CDH2: variants seen among roughly 807,000 people sequenced by gnomAD.
CDH2 encodes cadherin 2.
In CDH2, 17 loss-of-function variants were observed where a neutral mutation model predicts 92.0. The observed-to-expected ratio is 0.18, with a 90% CI of 0.13 to 0.28. The LOEUF (loss-of-function observed/expected upper bound fraction) is 0.28. CDH2 is among the 10% of genes least tolerant of loss of function. The probability of loss-of-function intolerance (pLI) is 1.00; values close to 1 mark genes in which losing one functional copy is unlikely to be tolerated. For synonymous variants in CDH2, 419 were observed against 415.9 expected, an observed-to-expected ratio of 1.01 and a Z score of -0.09; for missense variants, 862 against 1,133.1, an observed-to-expected ratio of 0.76 and a Z score of 3.44.
chr18:27,960,101 T>G (rs1162636403), intron 15 of CDH2, among the ~76,000 whole-genome samples: 1 of 151,906 alleles, frequency 6.6e-6, no homozygotes, highest in African/African-American at 2.4e-5. Flanking sequence ...CCAAATTGGA[T>G]CCTTTCATCC....
At chr18:28,136,276 G>C (rs2015860199) in intron 2 of CDH2, among the ~76,000 whole-genome samples, 1 of 152,116 alleles carries the variant, frequency 6.6e-6, no homozygotes, top group Non-Finnish European at 1.5e-5. Context: ...TGCCAAAAAT[G>C]TCTGTGGTCA....
chr18:28,142,683 T>C (rs535268758), intron 2 of CDH2, among the ~76,000 whole-genome samples: 16 of 152,148 alleles, frequency 1.1e-4, no homozygotes, highest in South Asian at 6.2e-4. Flanking sequence ...ATCTCTGTCT[T>C]GGAACCACTT....
intron 14 of CDH2, among the ~76,000 whole-genome samples, chr18:27,981,591 T>C (rs1251273777): frequency 6.6e-6 from 1 of 152,138 alleles, no homozygotes; most frequent in Non-Finnish European, 1.5e-5. Context: ...AAGTAAATCA[T>C]GCAACTTTTT....
intron 2 of CDH2, among the ~76,000 whole-genome samples, chr18:28,103,515 A>C (rs1033391043): frequency 2.0e-5 from 3 of 151,418 alleles, no homozygotes; most frequent in Non-Finnish European, 4.4e-5. Flanking sequence ...ACACACACAC[A>C]CATATACTTT....
At chr18:28,037,977 C>T (rs980134162) in intron 2 of CDH2, among the ~76,000 whole-genome samples, 1 of 151,940 alleles carries the variant, frequency 6.6e-6, no homozygotes, top group Non-Finnish European at 1.5e-5. Context: ...GCATAGAAAA[C>T]GGTAATTGAA....
chr18:27,946,199 A>T (rs956307401), downstream of CDH2, among the ~76,000 whole-genome samples: 1 of 152,152 alleles, frequency 6.6e-6, no homozygotes, highest in African/African-American at 2.4e-5. Context: ...GTAAAACATT[A>T]GTATCTGAAA....
intron 2 of CDH2, among the ~76,000 whole-genome samples, chr18:28,082,260 G>A (rs984528531): frequency 2.6e-5 from 4 of 151,864 alleles, no homozygotes; most frequent in East Asian, 1.9e-4. Context: ...AAAATTAAAC[G>A]ATTAGCTGAG....
chr18:27,945,814 A>G (rs1017801977), intron 6 of CDH2, among the ~76,000 whole-genome samples: 1 of 152,192 alleles, frequency 6.6e-6, no homozygotes, highest in African/African-American at 2.4e-5. Flanking sequence ...CTGATGTTTT[A>G]CCAATCCACT....
At chr18:28,106,473 G>GTTTTT (rs34443556) in intron 2 of CDH2, among the ~76,000 whole-genome samples, 7 of 146,786 alleles carry the variant, frequency 4.8e-5, no homozygotes, top group Non-Finnish European at 9.0e-5. Flanking sequence ...ACTTACCAGA[G>GTTTTT]TTTTTTTTTT....
intron 5 of CDH2, 99 bp from the exon 6 acceptor site, chr18:28,006,092 C>T: frequency 2.1e-6 from 2 of 969,286 alleles, no homozygotes; most frequent in Non-Finnish European, 3.1e-6. Context: ...AATAAACTCA[C>T]AGCTGAAAAA....
chr18:27,963,342 A>C lies in CDH2; in HGVS notation c.2514+15T>G, dbSNP rs750673279. The C allele has an allele frequency of 2.5e-6, 4 of 1,612,384 alleles. No homozygotes were observed. The highest frequency in any genetic ancestry group is 3.4e-6 in the Non-Finnish European group (4 of 1,178,590). On this transcript the variant is annotated intron_variant, in intron 15 of 15. Transcript: ENST00000269141. The stretch of plus-strand genomic sequence containing the variant: ...AATGAAAACTCTTATAGAGAAAACG[A>C]GTGTCTCTCTGTACCTCATTAATGA...
chr18:27,974,093 G>A (rs965101785), intron 14 of CDH2, among the ~76,000 whole-genome samples: 4 of 152,166 alleles, frequency 2.6e-5, no homozygotes, highest in African/African-American at 7.2e-5. Flanking sequence ...AAACATATTT[G>A]TGTGGCTACT....
At chr18:27,986,454 G>T (rs577387296) in intron 11 of CDH2, among the ~76,000 whole-genome samples, 1 of 152,178 alleles carries the variant, frequency 6.6e-6, no homozygotes, top group Non-Finnish European at 1.5e-5. Context: ...ACTAAATATT[G>T]GTCGGCCTGA....
chr18:28,130,170 G>C (rs1415722331), intron 2 of CDH2, among the ~76,000 whole-genome samples: 1 of 152,310 alleles, frequency 6.6e-6, no homozygotes, highest in East Asian at 1.9e-4. Flanking sequence ...GAAGCATCGT[G>C]ATCATTTTGT....
At chr18:28,145,120 T>C (rs1320523392) in intron 2 of CDH2, among the ~76,000 whole-genome samples, 1 of 152,058 alleles carries the variant, frequency 6.6e-6, no homozygotes, top group Non-Finnish European at 1.5e-5. Flanking sequence ...TACACCAACA[T>C]ATTAAACTTT....
intron 2 of CDH2, among the ~76,000 whole-genome samples, chr18:28,109,798 C>T (rs1165079906): frequency 2.0e-5 from 3 of 152,114 alleles, no homozygotes; most frequent in Admixed American, 2.0e-4. Flanking sequence ...GCTTTTCTTA[C>T]AGTTTATGAA....
chr18:28,056,699 G>A (rs549395641), intron 2 of CDH2, among the ~76,000 whole-genome samples: 1 of 152,090 alleles, frequency 6.6e-6, no homozygotes, highest in Non-Finnish European at 1.5e-5. Context: ...TTCCCAAAAG[G>A]AAATTCTAAA....
chr18:28,044,663 A>T (rs2014034517), intron 2 of CDH2, among the ~76,000 whole-genome samples: 2 of 152,172 alleles, frequency 1.3e-5, no homozygotes, highest in Non-Finnish European at 2.9e-5. Context: ...TGGAAAACAC[A>T]GTGAACATTA....
At chr18:27,947,700 G>GT (rs1211086938), downstream of CDH2, among the ~76,000 whole-genome samples, 1 of 137,494 alleles carries the variant, frequency 7.3e-6, no homozygotes, top group Non-Finnish European at 1.7e-5. Flanking sequence ...TGTATATGAT[G>GT]TAAGTATATG....
Sources: gnomAD v4.1 joint callset for allele counts (sites outside exome capture counted in the v4.1 genomes callset) on GRCh38, gnomAD v4.1.1 for gene constraint, MANE v1.5 for transcripts, NCBI Gene and HGNC (gene_info 2026-07-23, HGNC 2026-07-21) for gene names.